The following GSK3B variants were observed in gnomAD, a reference collection of about 807,000 sequenced individuals.
The protein encoded by GSK3B is glycogen synthase kinase-3 beta.
GSK3B carries 15 observed loss-of-function variants against 56.4 expected under a neutral mutation model. The ratio of observed to expected loss-of-function variants is 0.27; its 90% CI spans 0.18 to 0.41. GSK3B has a LOEUF of 0.41. GSK3B is among the 10% of genes least tolerant of loss of function. The probability of loss-of-function intolerance (pLI) is 1.00; values close to 1 mark genes in which losing one functional copy is unlikely to be tolerated. For synonymous variants in GSK3B, 181 were observed against 188.9 expected (o/e 0.96, Z 0.34); for missense variants, 300 against 513.4 (o/e 0.58, Z 4.02).
intron 1 of GSK3B, among the ~76,000 whole-genome samples, chr3:120,035,489 C>A (rs557688525): frequency 6.6e-6 from 1 of 152,276 alleles, no homozygotes; most frequent in East Asian, 1.9e-4. Context: ...TCAATTTGTG[C>A]AAAGGGCAAT....
chr3:119,992,130 T>C (rs73175877), intron 2 of GSK3B, among the ~76,000 whole-genome samples: 11,846 of 151,956 alleles, frequency 0.078, 626 homozygotes, highest in Non-Finnish European at 0.11. Flanking sequence ...AAAGTTCATA[T>C]AGAAAAATAA....
intron 1 of GSK3B, among the ~76,000 whole-genome samples, chr3:120,023,391 CA>C (rs2057896240): frequency 6.6e-6 from 1 of 150,442 alleles, no homozygotes; most frequent in African/African-American, 2.5e-5. Context: ...AAGTTAACTA[CA>C]AAACAAAAAT....
intron 10 of GSK3B, among the ~76,000 whole-genome samples, chr3:119,837,220 T>C (rs1052652460): frequency 1.3e-5 from 2 of 152,208 alleles, no homozygotes; most frequent in African/African-American, 4.8e-5. Context: ...AGTGGCGTGA[T>C]CTCGGCTTAC....
intron 8 of GSK3B, among the ~76,000 whole-genome samples, chr3:119,874,950 A>G (rs974270997): frequency 2.6e-4 from 40 of 152,126 alleles, no homozygotes; most frequent in Non-Finnish European, 4.4e-5. Flanking sequence ...AAATCCAAGT[A>G]GGCCACCTGA....
intron 1 of GSK3B, among the ~76,000 whole-genome samples, chr3:120,020,704 G>A (rs948902348): frequency 2.0e-5 from 3 of 152,130 alleles, no homozygotes; most frequent in Non-Finnish European, 2.9e-5. Flanking sequence ...AGTGAGAGAA[G>A]AGTCACCTAT....
chr3:120,093,707 C>G lies in GSK3B; in HGVS notation c.-273G>C, dbSNP rs2058534936. ...AAATACAATTCTTTCCCCTCCCTTT[C>G]CTGGGAGGAGAGAAAAGAGAGGGCA... On this transcript the variant is annotated 5_prime_UTR_variant, in exon 1 of 11. Transcript: ENST00000264235. 2.9e-6 allele frequency: 1 copy of G among 346,086 alleles called. No individual in the cohort carries two copies. Among genetic ancestry groups the G allele is most frequent in the African/African-American group, 2.1e-5 (1 of 48,186 alleles). The allele number at this position is 346,086 out of a possible 1,614,324, so 21.4% of individuals were successfully genotyped here.
At chr3:120,066,375 T>C (rs548433710) in intron 1 of GSK3B, among the ~76,000 whole-genome samples, 41 of 152,154 alleles carry the variant, frequency 2.7e-4, no homozygotes, top group Middle Eastern at 3.4e-3. Flanking sequence ...TGAGGTTATA[T>C]GGAAAGATAA....
intron 2 of GSK3B, among the ~76,000 whole-genome samples, chr3:119,947,835 G>A (rs2057114946): frequency 2.8e-5 from 4 of 143,034 alleles, no homozygotes; most frequent in Admixed American, 1.4e-4. Flanking sequence ...CAGTTGCTAA[G>A]TTTTAGAAAA....
chr3:119,987,658 TAA>T (rs147290663), intron 2 of GSK3B, among the ~76,000 whole-genome samples: 61 of 151,990 alleles, frequency 4.0e-4, no homozygotes, highest in African/African-American at 1.4e-3. Flanking sequence ...TATAAAGCAT[TAA>T]AAAAAGTCTA....
intron 2 of GSK3B, among the ~76,000 whole-genome samples, chr3:119,981,674 T>TA (rs144318123): frequency 1.7e-4 from 26 of 152,114 alleles, no homozygotes; most frequent in African/African-American, 3.1e-4. Context: ...CTTGAGTAGG[T>TA]AAAAAAAGTG....
At chr3:119,861,289 TCA>T (rs2056097491) in intron 9 of GSK3B, among the ~76,000 whole-genome samples, 1 of 152,228 alleles carries the variant, frequency 6.6e-6, no homozygotes, top group Admixed American at 6.5e-5. Flanking sequence ...GGCAGGCAGA[TCA>T]CCTGAGGTCA....
intron 1 of GSK3B, among the ~76,000 whole-genome samples, chr3:120,031,432 A>G (rs530424344): frequency 6.6e-6 from 1 of 152,332 alleles, no homozygotes; most frequent in South Asian, 2.1e-4. Flanking sequence ...AGGGCCCTGG[A>G]AAGGCCCGTG....
chr3:120,079,293 T>C (rs1481704365), intron 1 of GSK3B, among the ~76,000 whole-genome samples: 4 of 128,370 alleles, frequency 3.1e-5, no homozygotes, highest in Non-Finnish European at 4.7e-5. Flanking sequence ...TTCTACAACC[T>C]TGACAGGAAA....
chr3:119,901,030 T>G (rs1475592656), intron 7 of GSK3B, among the ~76,000 whole-genome samples: 2 of 152,156 alleles, frequency 1.3e-5, no homozygotes, highest in Admixed American at 6.6e-5. Flanking sequence ...ACCAGCATTA[T>G]ACAAGCCTGC....
chr3:119,838,155 AG>A (rs2055720300), intron 10 of GSK3B, among the ~76,000 whole-genome samples: 1 of 151,728 alleles, frequency 6.6e-6, no homozygotes, highest in Non-Finnish European at 1.5e-5. Flanking sequence ...AGGGTATGGT[AG>A]TGCGCGCCTG....
chr3:119,901,180 A>C (rs965187191), intron 7 of GSK3B, among the ~76,000 whole-genome samples: 1 of 152,118 alleles, frequency 6.6e-6, no homozygotes, highest in Non-Finnish European at 1.5e-5. Flanking sequence ...TTTCCCATGT[A>C]TCTGGAACTA....
At chr3:120,047,245 G>T (rs974357960) in intron 1 of GSK3B, among the ~76,000 whole-genome samples, 4 of 152,138 alleles carry the variant, frequency 2.6e-5, no homozygotes, top group Non-Finnish European at 4.4e-5. Context: ...ACAAGATCAA[G>T]AGCATTTAGT....
In GSK3B at chr3:119,961,142, G is replaced by A. The variant is rs148813164; in HGVS notation, c.283-13791C>T. On this transcript the variant is annotated intron_variant, in intron 2 of 10. Transcript: ENST00000264235. ...GGACTACTTCCCATTCCTGAGAATA[G>A]AGCTGTGATGTACCACTCTCTCTAA... is the stretch of plus-strand genomic sequence containing the variant. Among the ~76,000 whole-genome samples the A allele has an allele frequency of 9.2e-5, 14 of 152,018 alleles. No individual in the cohort carries two copies. The East Asian group carries it at 2.7e-3, about 29-fold the overall frequency.
intron 1 of GSK3B, among the ~76,000 whole-genome samples, chr3:120,051,127 CTTT>C (rs72305100): frequency 4.3e-5 from 6 of 138,684 alleles, no homozygotes; most frequent in African/African-American, 5.3e-5. Flanking sequence ...CTATCAATTT[CTTT>C]TTTTTTTTTT....
Sources: gnomAD v4.1 joint callset for allele counts (sites outside exome capture counted in the v4.1 genomes callset) on GRCh38, gnomAD v4.1.1 for gene constraint, MANE v1.5 for transcripts, NCBI Gene and HGNC (gene_info 2026-07-23, HGNC 2026-07-21) for gene names.